SBNO2: variants seen among roughly 807,000 people sequenced by gnomAD.
SBNO2 encodes protein strawberry notch homolog 2.
A neutral mutation model predicts 146.3 loss-of-function variants in SBNO2; 89 were observed. The observed-to-expected ratio is 0.61, with a 90% CI of 0.51 to 0.73. SBNO2 has a LOEUF of 0.73. SBNO2 is among the 30% of genes least tolerant of loss of function. The probability of loss-of-function intolerance (pLI) is 0.00; values close to 1 mark genes in which losing one functional copy is unlikely to be tolerated. For missense variants in SBNO2, 2,092 were observed against 2,003.7 expected (o/e 1.04, Z -0.84); for synonymous variants, 1,147 against 892.6 (o/e 1.29, Z -5.08).
chr19:1,118,468 G>A (rs953736788), intron 14 of SBNO2, among the ~76,000 whole-genome samples: 3 of 152,184 alleles, frequency 2.0e-5, no homozygotes, highest in Non-Finnish European at 2.9e-5. Context: ...TGCTGAACAC[G>A]GCTACCAACT....
intron 2 of SBNO2, among the ~76,000 whole-genome samples, chr19:1,149,915 G>C (rs1475854978): frequency 1.3e-5 from 2 of 152,310 alleles, no homozygotes; most frequent in East Asian, 3.9e-4. Flanking sequence ...GGGCAGGCGA[G>C]GGCCTCACAC....
In SBNO2 at chr19:1,172,786, C is replaced by CA. The variant is rs1568659815; in HGVS notation, c.-127+1385_-127+1386insT. On this transcript the variant is annotated intron_variant, in intron 1 of 31. Transcript: ENST00000361757. The stretch of plus-strand genomic sequence containing the variant: ...AAACACTCACTGCAACCGCCCCCCC[C>CA]GCCCCGGCAAACTGGCAGCCAGCAT... Among the ~76,000 whole-genome samples the CA allele has an allele frequency of 1.2e-4, 11 of 93,422 alleles. 2 individuals are homozygous for CA. The South Asian group carries it at 1.9e-3, about 16-fold the overall frequency. The allele number at this position is 93,422 out of a possible 152,430, so 61.3% of individuals were successfully genotyped here.
At chr19:1,109,000 G>A (rs1213074110) in intron 30 of SBNO2, 31 bp from the exon 31 acceptor site, 2 of 1,493,682 alleles carry the variant, frequency 1.3e-6, no homozygotes, top group East Asian at 2.5e-5. Context: ...CTCGGCTCAG[G>A]CGGGTCCCAG....
rs761221153 is a variant in SBNO2 at position 1,116,820 on chromosome 19, G to A, written c.1802+9C>T. ...AAGCCCACAGTCCTGTCCCCACCGTGACACTTACTCAGCGGCCGAGACGAA... is the reference window on the plus strand; with the variant it reads ...AAGCCCACAGTCCTGTCCCCACCGTAACACTTACTCAGCGGCCGAGACGAA... On this transcript the variant is annotated intron_variant, in intron 16 of 31. Coordinates refer to ENST00000361757, the MANE Select transcript of SBNO2 (RefSeq NM_014963.3). 1.0e-5 allele frequency: 16 copies of A among 1,579,164 alleles called. No individual in the cohort carries two copies. The South Asian group carries it at 1.8e-4, about 18-fold the overall frequency.
chr19:1,122,792 C>T lies in SBNO2; in HGVS notation c.781-1G>A. The T allele has an allele frequency of 6.5e-7, 1 of 1,538,052 alleles. No homozygotes were observed. Among genetic ancestry groups the T allele is most frequent in the Non-Finnish European group, 8.7e-7 (1 of 1,146,316 alleles). ...CGCTGGGGAGCAGGACCTCGTGTTG[C>T]TGTTGCCGGAGAGCAGGCGTCAGGG... On this transcript the variant is annotated splice_acceptor_variant, in intron 8 of 31. Transcript: ENST00000361757. LOFTEE classifies it high-confidence loss of function.
rs979568067 is a variant in SBNO2 at position 1,140,126 on chromosome 19, C to T, written c.279+7183G>A. 1.3e-5 allele frequency among the ~76,000 whole-genome samples: 2 copies of T among 151,822 alleles called. No individual in the cohort carries two copies. Among genetic ancestry groups the T allele is most frequent in the Admixed American group, 6.6e-5 (1 of 15,250 alleles). On this transcript the variant is annotated intron_variant, in intron 4 of 31. Coordinates refer to ENST00000361757, the MANE Select transcript of SBNO2 (RefSeq NM_014963.3). This position sits in a 1 kb window ranked among gnomAD's most constrained non-coding sequence, Gnocchi z 4.4. ...CAGCCTGGCTAACACGGTGAAACCC[C>T]GTGTCCACTAAAAAACACAAAAAAT...
chr19:1,165,698 A>T (rs2080408867), intron 1 of SBNO2, among the ~76,000 whole-genome samples: 1 of 138,524 alleles, frequency 7.2e-6, no homozygotes, highest in Non-Finnish European at 1.6e-5. Flanking sequence ...CAGATCTCAG[A>T]CCCCAGACCC....
rs1422429844 is a variant in SBNO2, at chr19:1,109,673, T to G, written c.3123+10A>C. ...GCAGAGTGTGAGGGGCTGTGGGGCTTCCTGCTGACCTTGTAGAAGACCACC... is the reference window on the plus strand; with the variant it reads ...GCAGAGTGTGAGGGGCTGTGGGGCTGCCTGCTGACCTTGTAGAAGACCACC... On this transcript the variant is annotated intron_variant, in intron 27 of 31. Transcript: ENST00000361757. The surrounding 1 kb of genome is among the most constrained non-coding windows in gnomAD (Gnocchi z 4.2). 6.2e-7 allele frequency: 1 copy of G among 1,607,340 alleles called. No individual in the cohort carries two copies. Among genetic ancestry groups the G allele is most frequent in the Non-Finnish European group, 8.5e-7 (1 of 1,176,854 alleles).
chr19:1,112,735 G>T lies in SBNO2; in HGVS notation c.2379+83C>A, dbSNP rs2079780899. 4 of 1,481,638 alleles carry T rather than the reference G, an allele frequency of 2.7e-6. No individual in the cohort carries two copies. Among genetic ancestry groups the T allele is most frequent in the South Asian group, 1.3e-5 (1 of 76,798 alleles). The allele number at this position is 1,481,638 out of a possible 1,614,324, so 91.8% of individuals were successfully genotyped here. A position where few individuals can be genotyped will look rare whatever the true frequency, so the allele number is the denominator to read the frequency against. ...CACACACACACTCCAGAAGTGCGCG[G>T]GTCCACAGTCCCCGGGGACCCTTGG... On this transcript the variant is annotated intron_variant, in intron 20 of 31. Coordinates refer to ENST00000361757, the MANE Select transcript of SBNO2 (RefSeq NM_014963.3). This position sits in a 1 kb window ranked among gnomAD's most constrained non-coding sequence, Gnocchi z 5.9.
At position 1,114,309 on chromosome 19, in the gene SBNO2, A is replaced by C; in HGVS notation, c.1999T>G (p.Phe667Val). 6.4e-7 allele frequency: 1 copy of C among 1,555,544 alleles called. No homozygotes were observed. The highest frequency in any genetic ancestry group is 1.9e-5 in the Admixed American group (1 of 52,078). ...TESDPGLDSD[F>V]NSSPESLVDD... ...ACCAGGGACTCGGGGGAGGAGTTGAAGTCGCTGTCCAGGCCAGGGTCCGAC... is the reference window on the plus strand; with the variant it reads ...ACCAGGGACTCGGGGGAGGAGTTGACGTCGCTGTCCAGGCCAGGGTCCGAC... Residue 667 changes from phenylalanine to valine, a missense_variant, in exon 18 of 32, where the codon TTC becomes GTC. Coordinates refer to ENST00000361757, the MANE Select transcript of SBNO2 (RefSeq NM_014963.3).
chr19:1,125,022 A>C (rs1223153751), intron 5 of SBNO2, among the ~76,000 whole-genome samples: 1 of 151,978 alleles, frequency 6.6e-6, no homozygotes, highest in Non-Finnish European at 1.5e-5. Context: ...CCACTCTTAA[A>C]AAGCAAAAAT....
At position 1,108,290 on chromosome 19, in the gene SBNO2, C is replaced by G. The variant is rs1457729543; in HGVS notation, c.4031G>C (p.Gly1344Ala). ...GEGAGAGGAA[G>A]GGPERQSVIQ... ...CACGCTCTGCCGCTCGGGACCACCG[C>G]CCGCCGCGCCCCCCGCCCCCGCGCC... The change falls in exon 32 of 32, where the codon GGC (glycine) becomes GCC (alanine). Residue 1344 changes from glycine (G) to alanine (A), a missense_variant. By Grantham distance (60) the Gly-to-Ala change is moderately conservative (BLOSUM62 0). Coordinates refer to ENST00000361757, the MANE Select transcript of SBNO2 (RefSeq NM_014963.3). The G allele has an allele frequency of 6.7e-7, 1 of 1,497,912 alleles. No homozygotes were observed. Among genetic ancestry groups the G allele is most frequent in the Non-Finnish European group, 8.9e-7 (1 of 1,120,952 alleles). The allele number at this position is 1,497,912 out of a possible 1,614,324, so 92.8% of individuals were successfully genotyped here. A position where few individuals can be genotyped will look rare whatever the true frequency, so the allele number is the denominator to read the frequency against.
rs1411405794 is a variant in SBNO2, at chr19:1,157,336, C to T, written c.-126-2934G>A. 6.6e-6 allele frequency among the ~76,000 whole-genome samples: 1 copy of T among 151,282 alleles called. No individual in the cohort carries two copies. Among genetic ancestry groups the T allele is most frequent in the Non-Finnish European group, 1.5e-5 (1 of 67,960 alleles). On this transcript the variant is annotated intron_variant, in intron 1 of 31. Transcript: ENST00000361757. The surrounding 1 kb of genome is among the most constrained non-coding windows in gnomAD (Gnocchi z 6.8). ...CCCCAACGCAGCCTCTGCCACGCAG[C>T]CCCGGAGACGCTCTCCCCACGCGGC...
At chr19:1,161,682 T>C (rs1386180748) in intron 1 of SBNO2, among the ~76,000 whole-genome samples, 1 of 151,880 alleles carries the variant, frequency 6.6e-6, no homozygotes. Context: ...GGCCACGTCA[T>C]ACTACGCTTT....
chr19:1,112,618 C>G lies in SBNO2; in HGVS notation c.2380-81G>C. ...CCGCCACCTCCTCACCCACTAGGCC[C>G]CCGCTCCAGGTCACCAGGACGTCCC... On this transcript the variant is annotated intron_variant, in intron 20 of 31. Transcript: ENST00000361757. This position sits in a 1 kb window ranked among gnomAD's most constrained non-coding sequence, Gnocchi z 5.9. The G allele has an allele frequency of 1.4e-6, 2 of 1,480,854 alleles. No individual in the cohort carries two copies. The highest frequency in any genetic ancestry group is 1.8e-6 in the Non-Finnish European group (2 of 1,117,350). 91.7% of individuals were successfully genotyped at this position (1,480,854 alleles called of 1,614,324 possible). A position where few individuals can be genotyped will look rare whatever the true frequency, so the allele number is the denominator to read the frequency against.
At chr19:1,169,758 T>A (rs2080460058) in intron 1 of SBNO2, among the ~76,000 whole-genome samples, 1 of 152,172 alleles carries the variant, frequency 6.6e-6, no homozygotes, top group Admixed American at 6.5e-5. Flanking sequence ...GGTCTTACTT[T>A]CTGTTAAACA....
chr19:1,127,578 T>A (rs746488307), intron 5 of SBNO2, 26 bp downstream of exon 5: 3 of 1,606,350 alleles, frequency 1.9e-6, no homozygotes, highest in Non-Finnish European at 2.5e-6. Flanking sequence ...GGGTCGGGGC[T>A]GGCTGGGGGC....
intron 2 of SBNO2, among the ~76,000 whole-genome samples, chr19:1,152,830 G>T (rs1220496523): frequency 1.3e-5 from 2 of 152,144 alleles, no homozygotes; most frequent in East Asian, 3.9e-4. Context: ...TGCTTGATAG[G>T]AGAGGGCAGC....
Position 1,119,544 on chromosome 19 carries a change from C to T in SBNO2, c.1345G>A (p.Glu449Lys), listed in dbSNP as rs1243843830. The T allele has an allele frequency of 6.2e-7, 1 of 1,611,032 alleles. No individual in the cohort carries two copies. The highest frequency in any genetic ancestry group is 8.5e-7 in the Non-Finnish European group (1 of 1,178,836). The stretch of plus-strand genomic sequence containing the variant: ...TTCTCGATGGCGTGCAGGAACTCCT[C>T]AAAGTTCCGGAAGGGTGTGCCCTCG... ...WGEGTPFRNFEEFLHAIEKRG... is the reference protein window; with the variant it reads ...WGEGTPFRNFKEFLHAIEKRG... Residue 449 changes from glutamate (E) to lysine (K), a missense_variant, in exon 13 of 32, where the codon GAG (glutamate) becomes AAG (lysine). Coordinates refer to ENST00000361757, the MANE Select transcript of SBNO2 (RefSeq NM_014963.3).
Sources: gnomAD v4.1 joint callset for allele counts (sites outside exome capture counted in the v4.1 genomes callset) on GRCh38, gnomAD v4.1.1 for gene constraint, Gnocchi (gnomAD v3.1) non-coding constraint, MANE v1.5 for transcripts, NCBI Gene and HGNC (gene_info 2026-07-23, HGNC 2026-07-21) for gene names.